The following ZFPM2 variants were observed in gnomAD, a reference collection of about 807,000 sequenced individuals.
ZFPM2 encodes zinc finger protein, FOG family member 2.
In ZFPM2, 20 loss-of-function variants were observed where a neutral mutation model predicts 98.6. The observed-to-expected ratio is 0.20, with a 90% CI of 0.14 to 0.29. The LOEUF is 0.29. Ranked by LOEUF, ZFPM2 falls within the 10% of genes least tolerant of loss-of-function variation. The pLI, the probability that ZFPM2 is intolerant of heterozygous loss-of-function variation, is 1.00. For missense variants in ZFPM2, 1,310 were observed against 1,388.6 expected (o/e 0.94, Z 0.90); for synonymous variants, 518 against 502.7 (o/e 1.03, Z -0.41).
At chr8:105,511,264 T>A (rs1225564013) in intron 3 of ZFPM2, among the ~76,000 whole-genome samples, 1 of 152,236 alleles carries the variant, frequency 6.6e-6, no homozygotes, top group Non-Finnish European at 1.5e-5. Context: ...TCACTTTCTA[T>A]CTTATAGACA....
At chr8:105,537,093 G>A (rs957357419) in intron 3 of ZFPM2, among the ~76,000 whole-genome samples, 1 of 152,080 alleles carries the variant, frequency 6.6e-6, no homozygotes, top group Non-Finnish European at 1.5e-5. Context: ...CATTCATAAA[G>A]TTTTAAAGAT....
chr8:105,677,565 A>G (rs761312031), intron 5 of ZFPM2, among the ~76,000 whole-genome samples: 1 of 151,728 alleles, frequency 6.6e-6, no homozygotes, highest in African/African-American at 2.4e-5. Context: ...CATGATCTGT[A>G]TTGTAGAGGG....
intron 4 of ZFPM2, among the ~76,000 whole-genome samples, chr8:105,610,713 C>T (rs1816292770): frequency 2.0e-5 from 3 of 152,020 alleles, no homozygotes; most frequent in Admixed American, 2.0e-4. Context: ...GGACCAGTGA[C>T]ACTAAAACGT....
chr8:105,531,513 C>G (rs1814296829), intron 3 of ZFPM2, among the ~76,000 whole-genome samples: 1 of 152,110 alleles, frequency 6.6e-6, no homozygotes, highest in Admixed American at 6.6e-5. Context: ...AAGGTCCCTC[C>G]CTACTCCAGC....
rs535363535 is a variant in ZFPM2, at chr8:105,554,942, T to G, written c.302-6421T>G. On this transcript the variant is annotated intron_variant, in intron 3 of 7. Transcript: ENST00000407775. ...AAAATACAATGTCTTGATAGCACTT[T>G]CAAAGAAAAAATATTTGAGGGTGTC... Among the ~76,000 whole-genome samples the G allele has an allele frequency of 4.6e-5, 7 of 152,284 alleles. No homozygotes were observed. In the South Asian group the frequency reaches 1.2e-3, roughly 27 times the overall value.
chr8:105,663,231 C>T (rs1413436485), intron 5 of ZFPM2, among the ~76,000 whole-genome samples: 8 of 152,128 alleles, frequency 5.3e-5, no homozygotes, highest in South Asian at 4.2e-4. Flanking sequence ...ACAGTTTAGT[C>T]GTGGGGGGCA....
chr8:105,333,688 T>C (rs953820251), intron 1 of ZFPM2, among the ~76,000 whole-genome samples: 3 of 151,646 alleles, frequency 2.0e-5, no homozygotes, highest in African/African-American at 7.3e-5. Flanking sequence ...TGTCCATTAA[T>C]AGGGGATGGG....
rs746515394 is a variant in ZFPM2 at position 105,802,451 on chromosome 8, T to G, written c.2369T>G (p.Ile790Ser). Reference sequence around the variant, plus strand: ...GAGTGCTACCACCCAAGATGTGATATCTTTCCAGGAATTGTCTCTAAACAC... The same window carrying G: ...GAGTGCTACCACCCAAGATGTGATAGCTTTCCAGGAATTGTCTCTAAACAC... ...LGECYHPRCDIFPGIVSKHLE... is the reference protein window; with the variant it reads ...LGECYHPRCDSFPGIVSKHLE... Residue 790 changes from isoleucine to serine, a missense_variant, in exon 8 of 8, where the codon ATC (isoleucine) becomes AGC (serine). Physicochemically the swap from Ile to Ser is moderately radical, Grantham distance 142. Coordinates refer to ENST00000407775, the MANE Select transcript of ZFPM2 (RefSeq NM_012082.4). 6.2e-7 allele frequency: 1 copy of G among 1,613,696 alleles called. No individual in the cohort carries two copies. The highest frequency in any genetic ancestry group is 8.5e-7 in the Non-Finnish European group (1 of 1,179,808).
chr8:105,477,742 G>A (rs1352664455), intron 3 of ZFPM2, among the ~76,000 whole-genome samples: 2 of 152,102 alleles, frequency 1.3e-5, no homozygotes, highest in African/African-American at 2.4e-5. Flanking sequence ...TGTTTCATGT[G>A]CATTTGCATT....
chr8:105,480,089 G>T (rs1391085216), intron 3 of ZFPM2, among the ~76,000 whole-genome samples: 1 of 152,148 alleles, frequency 6.6e-6, no homozygotes, highest in African/African-American at 2.4e-5. Flanking sequence ...GGGTGATTAT[G>T]GTAGTACATT....
At chr8:105,703,671 A>C (rs1811194840) in intron 5 of ZFPM2, among the ~76,000 whole-genome samples, 1 of 152,106 alleles carries the variant, frequency 6.6e-6, no homozygotes, top group African/African-American at 2.4e-5. Context: ...AAAGCTGTAG[A>C]TGTTTCTCTT....
At chr8:105,641,179 C>T (rs1156970292) in intron 5 of ZFPM2, among the ~76,000 whole-genome samples, 2 of 151,930 alleles carry the variant, frequency 1.3e-5, no homozygotes, top group African/African-American at 4.8e-5. Flanking sequence ...AACAAAATTG[C>T]GCCCTAAAGG....
chr8:105,496,877 G>A (rs1284599826), intron 3 of ZFPM2, among the ~76,000 whole-genome samples: 3 of 148,420 alleles, frequency 2.0e-5, no homozygotes, highest in African/African-American at 7.4e-5. Flanking sequence ...AGCTACTTGG[G>A]AGGCTGAGGC....
chr8:105,739,062 G>C (rs1436641304), intron 5 of ZFPM2, among the ~76,000 whole-genome samples: 1 of 152,020 alleles, frequency 6.6e-6, no homozygotes, highest in African/African-American at 2.4e-5. Context: ...ACTGACAACA[G>C]AGGGAAGTAA....
chr8:105,480,338 C>T (rs1563678029), intron 3 of ZFPM2, among the ~76,000 whole-genome samples: 1 of 152,126 alleles, frequency 6.6e-6, no homozygotes, highest in Non-Finnish European at 1.5e-5. Flanking sequence ...CTTCCTATGC[C>T]TGCATTCATG....
At chr8:105,386,724 T>G (rs1810998348) in intron 1 of ZFPM2, among the ~76,000 whole-genome samples, 1 of 152,122 alleles carries the variant, frequency 6.6e-6, no homozygotes, top group Non-Finnish European at 1.5e-5. Context: ...GCTTTTAGTC[T>G]CTTATCGGGC....
intron 5 of ZFPM2, among the ~76,000 whole-genome samples, chr8:105,709,675 G>A (rs1182392459): frequency 1.3e-5 from 2 of 152,050 alleles, no homozygotes; most frequent in Non-Finnish European, 2.9e-5. Context: ...CTTTGTACAC[G>A]AAGAACAGCA....
chr8:105,772,565 T>C (rs1414904085), intron 5 of ZFPM2, among the ~76,000 whole-genome samples: 1 of 152,146 alleles, frequency 6.6e-6, no homozygotes, highest in African/African-American at 2.4e-5. Context: ...TTTCTATGTA[T>C]GATAGTCTCA....
chr8:105,707,865 T>A (rs973220780), intron 5 of ZFPM2, among the ~76,000 whole-genome samples: 1 of 152,160 alleles, frequency 6.6e-6, no homozygotes, highest in African/African-American at 2.4e-5. Context: ...GCACCTTACC[T>A]CATGGACATT....
Sources: allele counts gnomAD v4.1 joint callset (sites outside exome capture counted in the v4.1 genomes callset), GRCh38; gene constraint gnomAD v4.1.1; transcripts MANE v1.5; gene names NCBI Gene and HGNC (gene_info 2026-07-23, HGNC 2026-07-21).